TM4SF20: variants seen among roughly 807,000 people sequenced by gnomAD.
The protein encoded by TM4SF20 is transmembrane 4 L6 family member 20.
In TM4SF20, 13 loss-of-function variants were observed where a neutral mutation model predicts 15.1. The observed-to-expected ratio is 0.86, with a 90% confidence interval of 0.56 to 1.36. The LOEUF is 1.36. Ranked by LOEUF, TM4SF20 falls within the 40% of genes most tolerant of loss-of-function variation. The pLI is 0.00. For missense variants in TM4SF20, 282 were observed against 268.4 expected (o/e 1.05, Z -0.35); for synonymous variants, 92 against 96.6 (o/e 0.95, Z 0.28).
At chr2:227,369,427 C>CTTT (rs57148409) in intron 2 of TM4SF20, among the ~76,000 whole-genome samples, 18,969 of 125,114 alleles carry the variant, frequency 0.15, 1,907 homozygotes, top group Middle Eastern at 0.18. Flanking sequence ...CCCCATCTGT[C>CTTT]TTTTTTTTTT....
upstream of TM4SF20, among the ~76,000 whole-genome samples, chr2:227,381,053 T>C (rs1382408366): frequency 3.9e-5 from 6 of 152,024 alleles, no homozygotes; most frequent in Non-Finnish European, 7.4e-5. Context: ...GGTGGGAGGA[T>C]CACTTGAGCC....
rs147782885 is a variant in TM4SF20, at chr2:227,375,741, G to T, written c.183+3345C>A. On this transcript the variant is annotated intron_variant, in intron 1 of 3. Coordinates refer to ENST00000304568, the MANE Select transcript of TM4SF20 (RefSeq NM_024795.4). The stretch of plus-strand genomic sequence containing the variant: ...CCTGACCTCGTGATTCGCCCGCCTC[G>T]GCCTCCCAAAGTGCTGGGATTACAG... Among the ~76,000 whole-genome samples, 905 of 151,994 alleles carry T rather than the reference G, an allele frequency of 6.0e-3. 4 individuals carry two copies. Among genetic ancestry groups the T allele is most frequent in the African/African-American group, 0.02 (810 of 41,440 alleles).
At chr2:227,378,813 C>A (rs2076463956) in intron 1 of TM4SF20, among the ~76,000 whole-genome samples, 1 of 152,198 alleles carries the variant, frequency 6.6e-6, no homozygotes, top group South Asian at 2.1e-4. Flanking sequence ...GAAAGAGCAG[C>A]CCTACCTGTA....
chr2:227,381,325 C>T (rs1451593448), upstream of TM4SF20, among the ~76,000 whole-genome samples: 4 of 151,602 alleles, frequency 2.6e-5, no homozygotes, highest in African/African-American at 7.3e-5. Context: ...CACAAAACAC[C>T]GAGAATAACT....
At chr2:227,381,392 C>T (rs1005575703), upstream of TM4SF20, among the ~76,000 whole-genome samples, 2 of 151,610 alleles carry the variant, frequency 1.3e-5, no homozygotes, top group African/African-American at 4.9e-5. Context: ...GGTTTATATA[C>T]TTCTGCATGG....
At position 227,363,691 on chromosome 2, in the gene TM4SF20, AACT is replaced by A. The variant is rs781289247; in HGVS notation, c.*30_*32del. On this transcript the variant is annotated 3_prime_UTR_variant, in exon 4 of 4. Coordinates refer to ENST00000304568, the MANE Select transcript of TM4SF20 (RefSeq NM_024795.4). ...CAAGTGTACTTCTCAAATTAATTCA[AACT>A]ACTGATACTTACATTTTATTCCCAT... The A allele has an allele frequency of 2.4e-4, 383 of 1,565,740 alleles. 2 individuals are homozygous for A. The highest frequency in any genetic ancestry group is 4.1e-5 in the African/African-American group (3 of 72,896).
intron 2 of TM4SF20, among the ~76,000 whole-genome samples, chr2:227,369,693 T>C (rs1372642641): frequency 6.6e-6 from 1 of 152,058 alleles, no homozygotes; most frequent in Non-Finnish European, 1.5e-5. Context: ...CCTCCCAAAG[T>C]GCTGTGAGCC....
At chr2:227,377,637 C>G (rs2076457464) in intron 1 of TM4SF20, among the ~76,000 whole-genome samples, 1 of 152,136 alleles carries the variant, frequency 6.6e-6, no homozygotes, top group African/African-American at 2.4e-5. Context: ...ATCACCTCCA[C>G]AGCCATAAAA....
chr2:227,381,002 T>C (rs1358008591), upstream of TM4SF20, among the ~76,000 whole-genome samples: 1 of 152,140 alleles, frequency 6.6e-6, no homozygotes, highest in Non-Finnish European at 1.5e-5. Flanking sequence ...TGGCTGGGCA[T>C]GGTGGCTCAC....
intron 1 of TM4SF20, among the ~76,000 whole-genome samples, chr2:227,375,525 T>C (rs1195416860): frequency 6.6e-6 from 1 of 152,246 alleles, no homozygotes; most frequent in Admixed American, 6.5e-5. Flanking sequence ...AGTCTTGCTC[T>C]GTCACCTAGG....
At chr2:227,370,828 T>C in intron 2 of TM4SF20, 87 bp downstream of exon 2, 5 of 1,046,830 alleles carry the variant, frequency 4.8e-6, no homozygotes, top group Middle Eastern at 2.0e-4. Flanking sequence ...TGTGATTCGG[T>C]AGATGCGAGT....
intron 1 of TM4SF20, 23 bp downstream of exon 1, chr2:227,379,063 C>T (rs779250527): frequency 1.2e-6 from 2 of 1,609,834 alleles, no homozygotes; most frequent in African/African-American, 1.3e-5. Context: ...TTCTTCACAT[C>T]AAGTCAAATA....
Position 227,363,656 on chromosome 2 carries a change from A to G in TM4SF20, c.*68T>C, listed in dbSNP as rs889576658. Reference sequence around the variant, plus strand: ...GATTTTTTAAATCATCTCAAAGATGACTTTGAAAACAAGTGTACTTCTCAA... The same window carrying G: ...GATTTTTTAAATCATCTCAAAGATGGCTTTGAAAACAAGTGTACTTCTCAA... On this transcript the variant is annotated 3_prime_UTR_variant, in exon 4 of 4. Coordinates refer to ENST00000304568, the MANE Select transcript of TM4SF20 (RefSeq NM_024795.4). The G allele has an allele frequency of 6.8e-7, 1 of 1,463,504 alleles. No individual in the cohort carries two copies. The highest frequency in any genetic ancestry group is 1.3e-5 in the South Asian group (1 of 74,960). The allele number at this position is 1,463,504 out of a possible 1,614,324, so 90.7% of individuals were successfully genotyped here. A position where few individuals can be genotyped will look rare whatever the true frequency, so the allele number is the denominator to read the frequency against.
At chr2:227,378,021 T>C (rs1474254335) in intron 1 of TM4SF20, among the ~76,000 whole-genome samples, 1 of 152,078 alleles carries the variant, frequency 6.6e-6, no homozygotes, top group Non-Finnish European at 1.5e-5. Flanking sequence ...CCGTGTTTTA[T>C]TATCTCTAAA....
upstream of TM4SF20, among the ~76,000 whole-genome samples, chr2:227,381,343 T>C (rs114321500): frequency 7.6e-3 from 1,156 of 152,144 alleles, 18 homozygotes; most frequent in African/African-American, 0.026. Flanking sequence ...ACTGAAAGAA[T>C]ACAACTGGGT....
chr2:227,369,092 A>G lies in TM4SF20; in HGVS notation c.249+1823T>C, dbSNP rs184659306. 6.7e-3 allele frequency among the ~76,000 whole-genome samples: 1,028 copies of G among 152,354 alleles called. 8 individuals carry two copies. The highest frequency in any genetic ancestry group is 0.04 in the South Asian group (191 of 4,832). ...ATACAAAGTCAAATTCCAAATTATT[A>G]TCGTTTACAAAGAAAAGTGACAGGG... On this transcript the variant is annotated intron_variant, in intron 2 of 3. Transcript: ENST00000304568.
chr2:227,363,549 GA>G lies in TM4SF20; in HGVS notation c.*174del. On this transcript the variant is annotated 3_prime_UTR_variant, in exon 4 of 4. Transcript: ENST00000304568. ...TGAATAGTACAACACAAAACTAATT[GA>G]AAATTCTCTCCACCTTTCCCAAATC... The G allele has an allele frequency of 1.5e-6, 1 of 659,260 alleles. No homozygotes were observed. Among genetic ancestry groups the G allele is most frequent in the Non-Finnish European group, 2.5e-6 (1 of 398,340 alleles). The allele number at this position is 659,260 out of a possible 1,614,324, so 40.8% of individuals were successfully genotyped here. A position where few individuals can be genotyped will look rare whatever the true frequency, so the allele number is the denominator to read the frequency against.
chr2:227,370,140 A>T (rs190192908), intron 2 of TM4SF20, among the ~76,000 whole-genome samples: 4 of 152,236 alleles, frequency 2.6e-5, no homozygotes, highest in Admixed American at 1.3e-4. Context: ...GTTTTGGGGG[A>T]AAAAAACCTG....
intron 2 of TM4SF20, among the ~76,000 whole-genome samples, chr2:227,366,766 G>T (rs974118434): frequency 1.5e-5 from 2 of 133,994 alleles, no homozygotes; most frequent in Non-Finnish European, 3.1e-5. Context: ...AGATGGTTTG[G>T]CTTGTCACTG....
Sources: gnomAD v4.1 joint callset for allele counts (sites outside exome capture counted in the v4.1 genomes callset) on GRCh38, gnomAD v4.1.1 for gene constraint, MANE v1.5 for transcripts, NCBI Gene and HGNC (gene_info 2026-07-23, HGNC 2026-07-21) for gene names.